The following EXOC6B variants were observed in gnomAD, a reference collection of about 807,000 sequenced individuals.
The protein encoded by EXOC6B is SEC15 homolog B.
A neutral mutation model predicts 113.5 loss-of-function variants in EXOC6B; 54 were observed. The ratio of observed to expected loss-of-function variants is 0.48; its 90% confidence interval spans 0.38 to 0.60. The LOEUF (loss-of-function observed/expected upper bound fraction) is 0.60. Ranked by LOEUF, EXOC6B falls within the 20% of genes least tolerant of loss-of-function variation. EXOC6B has a pLI of 0.00. For synonymous variants in EXOC6B, 357 were observed against 339.0 expected (o/e 1.05, Z -0.58); for missense variants, 797 against 977.5 (o/e 0.82, Z 2.46).
intron 5 of EXOC6B, among the ~76,000 whole-genome samples, chr2:72,722,580 A>G (rs1680078358): frequency 1.3e-5 from 2 of 152,320 alleles, no homozygotes; most frequent in Admixed American, 1.3e-4. Flanking sequence ...AAAAGTACAA[A>G]TATAGTTAAA....
At chr2:72,565,342 C>T (rs545847532) in intron 7 of EXOC6B, among the ~76,000 whole-genome samples, 1 of 119,828 alleles carries the variant, frequency 8.3e-6, no homozygotes, top group Non-Finnish European at 1.6e-5. Context: ...CAGAGTGAGA[C>T]CCTGTCTAAA....
chr2:72,224,891 T>C lies in EXOC6B; in HGVS notation c.2197-40704A>G, dbSNP rs1159569762. Among the ~76,000 whole-genome samples, 4 of 151,446 alleles carry C rather than the reference T, an allele frequency of 2.6e-5. 1 individual carries two copies. In the East Asian group the frequency reaches 7.7e-4, roughly 29 times the overall value. ...GTAAGTGTATATATATATATACATC[T>C]ATGTGTGTATATATATAGATGTGTA... On this transcript the variant is annotated intron_variant, in intron 20 of 21. Coordinates refer to ENST00000272427, the MANE Select transcript of EXOC6B (RefSeq NM_015189.3).
intron 8 of EXOC6B, among the ~76,000 whole-genome samples, chr2:72,538,207 C>T (rs1460433909): frequency 1.3e-5 from 2 of 152,112 alleles, no homozygotes; most frequent in African/African-American, 4.8e-5. Flanking sequence ...AAGCAAGCCT[C>T]CTGCCTTTGC....
intron 18 of EXOC6B, among the ~76,000 whole-genome samples, chr2:72,450,477 CAGTG>C (rs932206871): frequency 2.6e-5 from 4 of 152,100 alleles, no homozygotes; most frequent in African/African-American, 7.2e-5. Flanking sequence ...GGAATTAAAA[CAGTG>C]AGAGAGTGTA....
chr2:72,374,003 G>A (rs999117400), intron 19 of EXOC6B, among the ~76,000 whole-genome samples: 1 of 152,062 alleles, frequency 6.6e-6, no homozygotes, highest in African/African-American at 2.4e-5. Flanking sequence ...AGCCTGGGAG[G>A]CAAACATTGC....
chr2:72,520,295 T>C (rs1040286246), intron 8 of EXOC6B, among the ~76,000 whole-genome samples: 1 of 152,232 alleles, frequency 6.6e-6, no homozygotes, highest in African/African-American at 2.4e-5. Flanking sequence ...TATTTGCCCT[T>C]CATCTCCTAC....
intron 12 of EXOC6B, among the ~76,000 whole-genome samples, chr2:72,499,230 ATT>A (rs5832085): frequency 3.0e-4 from 42 of 139,342 alleles, no homozygotes; most frequent in Admixed American, 4.3e-4. Context: ...GCTTATGTAG[ATT>A]TTTTTTTTTT....
intron 17 of EXOC6B, among the ~76,000 whole-genome samples, chr2:72,468,203 T>TTAAAAAAAAAA (rs1317629245): frequency 1.3e-5 from 2 of 152,156 alleles, no homozygotes; most frequent in Non-Finnish European, 2.9e-5. Flanking sequence ...GGGTCATAGC[T>TTAAAAAAAAAA]TAAAAAAAAA....
At chr2:72,486,585 C>T (rs549188186) in intron 16 of EXOC6B, among the ~76,000 whole-genome samples, 1 of 152,156 alleles carries the variant, frequency 6.6e-6, no homozygotes, top group South Asian at 2.1e-4. Flanking sequence ...GCTGAAGACC[C>T]TGCATTTGCT....
chr2:72,406,852 T>G (rs1693805919), intron 18 of EXOC6B, among the ~76,000 whole-genome samples: 1 of 151,728 alleles, frequency 6.6e-6, no homozygotes, highest in South Asian at 2.1e-4. Context: ...ATAACTAAGA[T>G]CAGAGCAGAA....
intron 1 of EXOC6B, among the ~76,000 whole-genome samples, chr2:72,759,011 T>C (rs1682600524): frequency 6.6e-6 from 1 of 152,226 alleles, no homozygotes; most frequent in African/African-American, 2.4e-5. Flanking sequence ...TTTCTTTAAG[T>C]GTAACAACAA....
chr2:72,564,881 A>G (rs974165903), intron 7 of EXOC6B, among the ~76,000 whole-genome samples: 1 of 152,178 alleles, frequency 6.6e-6, no homozygotes, highest in African/African-American at 2.4e-5. Flanking sequence ...GCTTCTCACA[A>G]ATTATTAGGA....
intron 1 of EXOC6B, among the ~76,000 whole-genome samples, chr2:72,752,022 A>G (rs898756619): frequency 6.6e-6 from 1 of 152,102 alleles, no homozygotes; most frequent in Admixed American, 6.6e-5. Context: ...AGCTAATTAT[A>G]TAAATATATG....
At chr2:72,186,539 A>T (rs1045983291) in intron 20 of EXOC6B, among the ~76,000 whole-genome samples, 1 of 59,672 alleles carries the variant, frequency 1.7e-5, no homozygotes, top group African/African-American at 1.2e-4. Context: ...TTTCACAAAT[A>T]AAAAAAAAAC....
chr2:72,588,730 G>T (rs575813561), intron 6 of EXOC6B, among the ~76,000 whole-genome samples: 1 of 151,982 alleles, frequency 6.6e-6, no homozygotes, highest in African/African-American at 2.4e-5. Context: ...TTTGAAAATT[G>T]AAAGGTTTGA....
At chr2:72,290,811 T>C (rs951416732) in intron 20 of EXOC6B, among the ~76,000 whole-genome samples, 1 of 152,028 alleles carries the variant, frequency 6.6e-6, no homozygotes, top group Non-Finnish European at 1.5e-5. Context: ...CAATAAAACA[T>C]TACAGTTAGA....
intron 1 of EXOC6B, among the ~76,000 whole-genome samples, chr2:72,766,269 A>G (rs1402879484): frequency 6.6e-6 from 1 of 152,162 alleles, no homozygotes; most frequent in Non-Finnish European, 1.5e-5. Flanking sequence ...ATATTGCCAT[A>G]CCATCTGCCT....
chr2:72,597,037 T>C (rs1670116306), intron 6 of EXOC6B, among the ~76,000 whole-genome samples: 1 of 149,852 alleles, frequency 6.7e-6, no homozygotes, highest in Admixed American at 6.6e-5. Flanking sequence ...ATTTCCATTA[T>C]CCCAAAAAGA....
chr2:72,690,317 A>G (rs1162338990), intron 6 of EXOC6B, among the ~76,000 whole-genome samples: 4 of 152,180 alleles, frequency 2.6e-5, no homozygotes, highest in Non-Finnish European at 4.4e-5. Context: ...ACATATTCCA[A>G]TGATTTATTT....
Sources: allele counts gnomAD v4.1 joint callset (sites outside exome capture counted in the v4.1 genomes callset), GRCh38; gene constraint gnomAD v4.1.1; transcripts MANE v1.5; gene names NCBI Gene and HGNC (gene_info 2026-07-23, HGNC 2026-07-21).